Variants in LINGO2 observed in about 807,000 individuals in gnomAD.
LINGO2 encodes leucine-rich repeat and immunoglobulin-like domain-containing nogo receptor-interacting protein 2.
Under a neutral mutation model 30.6 loss-of-function variants are expected in LINGO2, and 14 were observed. The observed-to-expected ratio is 0.46, with a 90% confidence interval of 0.30 to 0.72. The LOEUF is 0.72. Among genes scored for constraint, LINGO2 ranks in the 30% least tolerant of loss-of-function variants. The probability of loss-of-function intolerance (pLI) is 0.07; values close to 1 mark genes in which losing one functional copy is unlikely to be tolerated. For synonymous variants in LINGO2, 317 were observed against 288.5 expected, an observed-to-expected ratio of 1.10 and a Z score of -1.00; for missense variants, 729 against 751.7, an observed-to-expected ratio of 0.97 and a Z score of 0.35.
the LINGO2 span, among the ~76,000 whole-genome samples, chr9:28,735,370 T>A: frequency 6.6e-6 from 1 of 152,182 alleles, no homozygotes; most frequent in Non-Finnish European, 1.5e-5. Flanking sequence ...TTTATACCCT[T>A]AATTATCATA....
chr9:28,441,482 T>G (rs2135018820), intron 2 of LINGO2, among the ~76,000 whole-genome samples: 1 of 152,074 alleles, frequency 6.6e-6, no homozygotes, highest in South Asian at 2.1e-4. Context: ...GTGAATTAAC[T>G]TAGGCACTTA....
chr9:28,556,377 T>G (rs12000686), intron 1 of LINGO2, among the ~76,000 whole-genome samples: 5 of 151,940 alleles, frequency 3.3e-5, no homozygotes, highest in Non-Finnish European at 5.9e-5. Flanking sequence ...GCCAAATCAT[T>G]AGTGAACTCC....
the LINGO2 span, among the ~76,000 whole-genome samples, chr9:28,744,646 T>TTC: frequency 7.0e-4 from 70 of 100,162 alleles, 3 homozygotes; most frequent in Non-Finnish European, 8.3e-4. Context: ...GTGTATTTTT[T>TTC]TTTTTTTTGA....
At chr9:28,486,811 G>A (rs530160003) in intron 1 of LINGO2, among the ~76,000 whole-genome samples, 1 of 152,152 alleles carries the variant, frequency 6.6e-6, no homozygotes, top group South Asian at 2.1e-4. Context: ...TAATAAAATA[G>A]TGATATAAAC....
chr9:28,803,347 G>T, the LINGO2 span, among the ~76,000 whole-genome samples: 8 of 151,804 alleles, frequency 5.3e-5, no homozygotes, highest in African/African-American at 1.9e-4. Flanking sequence ...ATACTATCAT[G>T]TATTTACTGA....
At chr9:28,917,942 C>T in the LINGO2 span, among the ~76,000 whole-genome samples, 3 of 151,884 alleles carry the variant, frequency 2.0e-5, no homozygotes, top group Admixed American at 6.6e-5. Context: ...TTAGGCATAT[C>T]TGCTGTGACA....
At chr9:28,902,190 A>C in the LINGO2 span, among the ~76,000 whole-genome samples, 1 of 152,166 alleles carries the variant, frequency 6.6e-6, no homozygotes, top group Non-Finnish European at 1.5e-5. Flanking sequence ...ATGCAAATGG[A>C]AACCTAAAGA....
At chr9:28,996,117 T>C in the LINGO2 span, among the ~76,000 whole-genome samples, 1 of 113,286 alleles carries the variant, frequency 8.8e-6, no homozygotes, top group Middle Eastern at 3.9e-3. Flanking sequence ...ATATATTGCT[T>C]TAAAAAAAAA....
chr9:28,935,680 G>T, the LINGO2 span, among the ~76,000 whole-genome samples: 1 of 135,752 alleles, frequency 7.4e-6, no homozygotes, highest in African/African-American at 2.7e-5. Context: ...AGTCATAAGA[G>T]GATTAAATAT....
chr9:28,274,526 T>G (rs1443471806), intron 4 of LINGO2, among the ~76,000 whole-genome samples: 1 of 152,206 alleles, frequency 6.6e-6, no homozygotes, highest in African/African-American at 2.4e-5. Context: ...AATTGAAGAT[T>G]TTCTTTCATT....
intron 4 of LINGO2, among the ~76,000 whole-genome samples, chr9:28,294,711 G>A (rs1027073728): frequency 1.3e-5 from 2 of 152,052 alleles, no homozygotes; most frequent in Admixed American, 6.6e-5. Flanking sequence ...TTAAATAACA[G>A]GTGAATAGAT....
chr9:28,236,214 G>C (rs1821558830), intron 4 of LINGO2, among the ~76,000 whole-genome samples: 1 of 152,104 alleles, frequency 6.6e-6, no homozygotes, highest in African/African-American at 2.4e-5. Context: ...ATTTACATTA[G>C]AATAGTATAT....
At chr9:29,163,977 G>A in the LINGO2 span, among the ~76,000 whole-genome samples, 1 of 152,022 alleles carries the variant, frequency 6.6e-6, no homozygotes, top group African/African-American at 2.4e-5. Flanking sequence ...ATTAAGTGAT[G>A]CTATGTGATT....
rs1823389297 is a variant in LINGO2 at position 28,566,498 on chromosome 9, C to T, written c.-364-90473G>A. Among the ~76,000 whole-genome samples, 3 of 152,070 alleles carry T rather than the reference C, an allele frequency of 2.0e-5. No individual in the cohort carries two copies. In the South Asian group the frequency reaches 6.2e-4, roughly 31 times the overall value. On this transcript the variant is annotated intron_variant, in intron 1 of 5. Transcript: ENST00000379992. ...GCTAAATAGGCACATGATCTTTATA[C>T]CATTGGTATAATGTCACGTACATTT...
chr9:28,951,852 A>C, the LINGO2 span, among the ~76,000 whole-genome samples: 1 of 152,140 alleles, frequency 6.6e-6, no homozygotes, highest in Non-Finnish European at 1.5e-5. Flanking sequence ...ATTATATTAA[A>C]ATTTCCTTGT....
At chr9:28,827,580 G>A in the LINGO2 span, among the ~76,000 whole-genome samples, 1 of 152,114 alleles carries the variant, frequency 6.6e-6, no homozygotes. Context: ...ATACATATTA[G>A]TACTTGACAA....
At chr9:28,387,756 G>A (rs544427387) in intron 2 of LINGO2, among the ~76,000 whole-genome samples, 5 of 151,782 alleles carry the variant, frequency 3.3e-5, no homozygotes, top group Non-Finnish European at 7.4e-5. Flanking sequence ...TGGGATGAAC[G>A]AACAACTCTG....
chr9:28,879,791 G>C, the LINGO2 span, among the ~76,000 whole-genome samples: 2 of 152,000 alleles, frequency 1.3e-5, no homozygotes, highest in Non-Finnish European at 2.9e-5. Flanking sequence ...TTGGACTTGG[G>C]AATTTCTGAG....
At chr9:29,128,687 C>T in the LINGO2 span, among the ~76,000 whole-genome samples, 4 of 152,164 alleles carry the variant, frequency 2.6e-5, no homozygotes, top group South Asian at 8.3e-4. Flanking sequence ...ATTGGGTTAC[C>T]CACTGGGACA....
Sources: gnomAD v4.1 joint callset for allele counts (sites outside exome capture counted in the v4.1 genomes callset) on GRCh38, gnomAD v4.1.1 for gene constraint, MANE v1.5 for transcripts, NCBI Gene and HGNC (gene_info 2026-07-23, HGNC 2026-07-21) for gene names.